COL15A1: variants seen among roughly 807,000 people sequenced by gnomAD.
The protein encoded by COL15A1 is collagen alpha-1(XV) chain.
Under a neutral mutation model 165.9 loss-of-function variants are expected in COL15A1, and 111 were observed. The observed-to-expected ratio is 0.67, with a 90% CI of 0.57 to 0.78. The LOEUF (loss-of-function observed/expected upper bound fraction) is 0.78, where lower values mean the gene tolerates loss of function less well. Among genes scored for constraint, COL15A1 ranks in the 30% least tolerant of loss-of-function variants. The pLI, the probability that COL15A1 is intolerant of heterozygous loss-of-function variation, is 0.00. For missense variants in COL15A1, 1,745 were observed against 1,789.7 expected (o/e 0.98, Z 0.45); for synonymous variants, 659 against 674.8 (o/e 0.98, Z 0.36).
chr9:99,055,013 A>G (rs944067624), intron 32 of COL15A1, 89 bp from the exon 33 acceptor site: 2 of 1,095,300 alleles, frequency 1.8e-6, no homozygotes, highest in Admixed American at 1.7e-5. Flanking sequence ...ACATCCACTA[A>G]GATGTAACTG....
At chr9:99,061,654 A>G (rs1415291122) in intron 36 of COL15A1, among the ~76,000 whole-genome samples, 1 of 152,246 alleles carries the variant, frequency 6.6e-6, no homozygotes, top group Non-Finnish European at 1.5e-5. Flanking sequence ...TGCTTTTGCT[A>G]ATACCCAAAC....
intron 2 of COL15A1, among the ~76,000 whole-genome samples, chr9:98,948,151 T>A (rs1485671148): frequency 1.3e-5 from 2 of 152,164 alleles, no homozygotes; most frequent in African/African-American, 4.8e-5. Flanking sequence ...AGAAAGGATT[T>A]GGGCACAGAG....
intron 14 of COL15A1, among the ~76,000 whole-genome samples, chr9:99,024,281 T>TTTG (rs1839081533): frequency 7.2e-6 from 1 of 138,134 alleles, no homozygotes; most frequent in Non-Finnish European, 1.6e-5. Context: ...TTTTTTGTTT[T>TTTG]TTTGTTTTTT....
Position 99,003,533 on chromosome 9 carries a change from CG to C in COL15A1, c.1151del (p.Gly384AspfsTer25). On this transcript the variant is annotated frameshift_variant, in exon 8 of 42. Transcript: ENST00000375001. LOFTEE classifies it high-confidence loss of function. ...GEAEASSVPT[G>X]GPTLSMSTEN... ...AAGCAGAGGCCAGCAGTGTGCCCAC[CG>C]GGGGACCAACCCTCTCTATGTCCAC... 4 of 1,568,616 alleles carry C rather than the reference CG, an allele frequency of 2.6e-6. No homozygotes were observed. Among genetic ancestry groups the C allele is most frequent in the Admixed American group, 1.9e-5 (1 of 53,886 alleles).
At chr9:98,999,414 T>C (rs1407947947) in intron 6 of COL15A1, among the ~76,000 whole-genome samples, 1 of 151,668 alleles carries the variant, frequency 6.6e-6, no homozygotes, top group African/African-American at 2.4e-5. Context: ...GCAGGACAGG[T>C]GGGCCAGCAG....
intron 8 of COL15A1, among the ~76,000 whole-genome samples, chr9:99,004,167 A>G (rs189109056): frequency 6.6e-6 from 1 of 152,304 alleles, no homozygotes; most frequent in East Asian, 1.9e-4. Context: ...GGAGTCACTG[A>G]AGGGTAAGAA....
intron 40 of COL15A1, among the ~76,000 whole-genome samples, chr9:99,068,144 T>A (rs1449501685): frequency 6.6e-6 from 1 of 152,114 alleles, no homozygotes; most frequent in South Asian, 2.1e-4. Context: ...GAGACTCTAA[T>A]GTGAGGTGGC....
rs1825934908 is a variant in COL15A1, at chr9:99,068,618, C to T, written c.3901C>T (p.His1301Tyr). The change falls in exon 41 of 42, where the codon CAT (histidine) becomes TAT (tyrosine). Residue 1301 changes from histidine (H) to tyrosine (Y), a missense_variant. His to Tyr is a moderately conservative substitution (Grantham distance 83). Coordinates refer to ENST00000375001, the MANE Select transcript of COL15A1 (RefSeq NM_001855.5). ...FSGHGGQFNM[H>Y]IPIYSFDGRD... ...TGGCCACGGAGGTCAGTTCAATATG[C>T]ATATTCCAATATACTCCTTTGATGG... The T allele has an allele frequency of 3.2e-6, 5 of 1,558,922 alleles. No homozygotes were observed. The highest frequency in any genetic ancestry group is 4.3e-6 in the Non-Finnish European group (5 of 1,161,634).
intron 39 of COL15A1, among the ~76,000 whole-genome samples, chr9:99,063,771 T>G (rs561676378): frequency 6.6e-6 from 1 of 152,136 alleles, no homozygotes; most frequent in East Asian, 1.9e-4. Flanking sequence ...CATAGACTAG[T>G]GGGCAATTGG....
chr9:99,023,316 G>A (rs7861925), intron 13 of COL15A1, 41 bp from the exon 14 acceptor site: 136 of 1,566,396 alleles, frequency 8.7e-5, no homozygotes, highest in Non-Finnish European at 1.1e-4. Flanking sequence ...CTTGGAGTCT[G>A]GCAGTTAAAT....
In COL15A1 at chr9:99,020,389, G is replaced by T. The variant is rs759909174; in HGVS notation, c.1648G>T (p.Ala550Ser). 39 of 1,612,056 alleles carry T rather than the reference G, an allele frequency of 2.4e-5. No individual in the cohort carries two copies. Among genetic ancestry groups the T allele is most frequent in the Non-Finnish European group, 3.2e-5 (38 of 1,178,130 alleles). ...TVAPERWITPAQREHVGMKGQ... is the reference protein window; with the variant it reads ...TVAPERWITPSQREHVGMKGQ... The stretch of plus-strand genomic sequence containing the variant: ...TTTTAACCAAATCTTCTTCTTTTAG[G>T]CTCAAAGAGAACATGTGGGAATGAA... Residue 550 changes from alanine to serine, a missense_variant and splice_region_variant, in exon 12 of 42, where the codon GCT (alanine) becomes TCT (serine). Physicochemically the swap from Ala to Ser is moderately conservative, Grantham distance 99 (BLOSUM62 1). Coordinates refer to ENST00000375001, the MANE Select transcript of COL15A1 (RefSeq NM_001855.5).
chr9:98,971,471 G>A (rs1239731203), intron 2 of COL15A1, among the ~76,000 whole-genome samples: 3 of 152,062 alleles, frequency 2.0e-5, no homozygotes, highest in Non-Finnish European at 4.4e-5. Flanking sequence ...TCCGTACACC[G>A]AGAAGAGCTG....
rs545733194 is a variant in COL15A1 at position 99,007,502 on chromosome 9, G to T, written c.1353+2452G>T. Among the ~76,000 whole-genome samples the T allele has an allele frequency of 7.2e-5, 11 of 152,260 alleles. No individual in the cohort carries two copies. In the South Asian group the frequency reaches 2.3e-3, roughly 32 times the overall value. On this transcript the variant is annotated intron_variant, in intron 9 of 41. Transcript: ENST00000375001. Reference sequence around the variant, plus strand: ...TAGTTGATTTCTCATGGCTAGGAGGGTTTATTCCTAGACAGGTAGGTCCCA... The same window carrying T: ...TAGTTGATTTCTCATGGCTAGGAGGTTTTATTCCTAGACAGGTAGGTCCCA...
intron 5 of COL15A1, among the ~76,000 whole-genome samples, chr9:98,995,200 A>G (rs1447385795): frequency 6.6e-6 from 1 of 151,970 alleles, no homozygotes; most frequent in Non-Finnish European, 1.5e-5. Flanking sequence ...AGGGGTCTTT[A>G]TCTTCCCTGC....
chr9:99,026,054 A>T (rs1839119267), intron 16 of COL15A1, 88 bp downstream of exon 16: 2 of 1,268,568 alleles, frequency 1.6e-6, no homozygotes, highest in East Asian at 5.1e-5. Context: ...CTTGCCTCTT[A>T]TGTGACTGAC....
chr9:99,016,419 G>A (rs1310337012), intron 11 of COL15A1, among the ~76,000 whole-genome samples: 4 of 152,206 alleles, frequency 2.6e-5, no homozygotes, highest in Non-Finnish European at 5.9e-5. Flanking sequence ...ACAGTAAGAC[G>A]TGGCGGGTCT....
chr9:99,040,584 C>T, intron 23 of COL15A1, 28 bp downstream of exon 23: 2 of 1,614,234 alleles, frequency 1.2e-6, no homozygotes, highest in Non-Finnish European at 1.7e-6. Flanking sequence ...TGTCTTCTAT[C>T]TGTGCCCCGT....
At chr9:99,028,301 TAAG>T (rs1180200814) in intron 16 of COL15A1, among the ~76,000 whole-genome samples, 1 of 152,170 alleles carries the variant, frequency 6.6e-6, no homozygotes, top group Non-Finnish European at 1.5e-5. Context: ...TGATGCTCAT[TAAG>T]AATTCATCAA....
Position 99,039,249 on chromosome 9 carries a change from G to A in COL15A1, c.2475+516G>A, listed in dbSNP as rs113463780. Among the ~76,000 whole-genome samples the A allele has an allele frequency of 1.5e-3, 222 of 152,294 alleles. 1 individual carries two copies. Among genetic ancestry groups the A allele is most frequent in the African/African-American group, 4.9e-3 (203 of 41,558 alleles). On this transcript the variant is annotated intron_variant, in intron 22 of 41. Coordinates refer to ENST00000375001, the MANE Select transcript of COL15A1 (RefSeq NM_001855.5). ...TTTTTGGCCAGAAGTGGTGGCTCAC[G>A]CCTGTAATCCCAACACTTTGGGAGG...
Sources: allele counts gnomAD v4.1 joint callset (sites outside exome capture counted in the v4.1 genomes callset), GRCh38; gene constraint gnomAD v4.1.1; transcripts MANE v1.5; gene names NCBI Gene and HGNC (gene_info 2026-07-23, HGNC 2026-07-21).